TENM3: variants seen among roughly 807,000 people sequenced by gnomAD.
The protein encoded by TENM3 is teneurin-3.
In TENM3, 63 loss-of-function variants were observed where a neutral mutation model predicts 255.1. The observed-to-expected ratio is 0.25, with a 90% CI of 0.20 to 0.30. TENM3 has a LOEUF of 0.30. Ranked by LOEUF, TENM3 falls within the 10% of genes least tolerant of loss-of-function variation. The pLI is 1.00. For synonymous variants in TENM3, 1,306 were observed against 1,322.3 expected, an observed-to-expected ratio of 0.99 and a Z score of 0.27; for missense variants, 2,929 against 3,461.1, an observed-to-expected ratio of 0.85 and a Z score of 3.86.
At chr4:182,037,893 G>A in the TENM3 span, among the ~76,000 whole-genome samples, 1 of 152,056 alleles carries the variant, frequency 6.6e-6, no homozygotes, top group Non-Finnish European at 1.5e-5. Context: ...ATGCAGTGGT[G>A]CCATCATAGC....
At chr4:181,699,315 T>C in the TENM3 span, among the ~76,000 whole-genome samples, 2 of 151,630 alleles carry the variant, frequency 1.3e-5, no homozygotes, top group African/African-American at 4.8e-5. Flanking sequence ...TCTGTAGCCC[T>C]AGCTACTTGG....
the TENM3 span, among the ~76,000 whole-genome samples, chr4:181,595,011 C>T: frequency 1.3e-5 from 2 of 152,056 alleles, no homozygotes; most frequent in Non-Finnish European, 2.9e-5. Flanking sequence ...AGTGCATCTC[C>T]CATGGAAGCC....
the TENM3 span, among the ~76,000 whole-genome samples, chr4:181,738,136 C>G: frequency 6.6e-6 from 1 of 152,114 alleles, no homozygotes; most frequent in East Asian, 1.9e-4. Context: ...TCATCGTACA[C>G]TATCATTTAG....
chr4:182,577,733 A>G (rs534508486), intron 3 of TENM3, among the ~76,000 whole-genome samples: 181 of 152,272 alleles, frequency 1.2e-3, no homozygotes, highest in Non-Finnish European at 8.2e-4. Context: ...GTGAATATCT[A>G]TGGTTTTCAT....
chr4:182,026,871 G>A, the TENM3 span, among the ~76,000 whole-genome samples: 2 of 152,158 alleles, frequency 1.3e-5, no homozygotes, highest in Non-Finnish European at 2.9e-5. Flanking sequence ...TAACTCTGCA[G>A]TATAATTTGA....
chr4:182,193,001 C>T (rs1753615710), intron 1 of TENM3, among the ~76,000 whole-genome samples: 1 of 152,152 alleles, frequency 6.6e-6, no homozygotes, highest in East Asian at 1.9e-4. Flanking sequence ...ACCTAATCTT[C>T]CTATCATGAT....
the TENM3 span, among the ~76,000 whole-genome samples, chr4:182,013,279 C>T: frequency 1.5e-4 from 23 of 152,208 alleles, no homozygotes; most frequent in Non-Finnish European, 7.3e-5. Flanking sequence ...TTTATGACTA[C>T]ACTAACACTG....
the TENM3 span, among the ~76,000 whole-genome samples, chr4:181,765,601 G>A: frequency 6.6e-6 from 1 of 152,116 alleles, no homozygotes; most frequent in South Asian, 2.1e-4. Flanking sequence ...TGACTTTGGG[G>A]AAAAAACAGC....
chr4:181,552,399 T>A, the TENM3 span, among the ~76,000 whole-genome samples: 566 of 152,322 alleles, frequency 3.7e-3, 1 homozygote, highest in African/African-American at 0.013. Context: ...CTTTCCGATA[T>A]CCATTTCTTT....
the TENM3 span, among the ~76,000 whole-genome samples, chr4:181,720,719 T>C: frequency 5.3e-5 from 8 of 152,342 alleles, no homozygotes; most frequent in African/African-American, 1.9e-4. Flanking sequence ...GAAAGCATAT[T>C]TGAATTTTTT....
chr4:181,780,578 C>T, the TENM3 span, among the ~76,000 whole-genome samples: 2,411 of 152,220 alleles, frequency 0.016, 32 homozygotes, highest in Middle Eastern at 0.024. Flanking sequence ...TTCTCCCATT[C>T]TGTAGGTTGC....
intron 1 of TENM3, among the ~76,000 whole-genome samples, chr4:182,320,232 G>A (rs975672169): frequency 6.6e-5 from 10 of 152,214 alleles, no homozygotes; most frequent in Non-Finnish European, 1.0e-4. Flanking sequence ...TCAGGTCTCT[G>A]TGTTAGTTTC....
the TENM3 span, among the ~76,000 whole-genome samples, chr4:182,035,168 T>C: frequency 6.6e-6 from 1 of 152,252 alleles, no homozygotes; most frequent in Non-Finnish European, 1.5e-5. Flanking sequence ...AAGGTTTGTT[T>C]CTATCAGAAA....
At chr4:182,208,242 C>A (rs1230163788) in intron 1 of TENM3, among the ~76,000 whole-genome samples, 1 of 152,180 alleles carries the variant, frequency 6.6e-6, no homozygotes, top group East Asian at 1.9e-4. Flanking sequence ...GTAATCACCC[C>A]ATTAAGAAGT....
the TENM3 span, among the ~76,000 whole-genome samples, chr4:181,461,926 T>C: frequency 9.2e-4 from 110 of 119,036 alleles, 1 homozygote; most frequent in East Asian, 0.026. Flanking sequence ...TAATTTTGAA[T>C]TGAATGCCAG....
At chr4:182,607,739 A>G (rs940666846) in intron 4 of TENM3, among the ~76,000 whole-genome samples, 11 of 152,218 alleles carry the variant, frequency 7.2e-5, no homozygotes, top group Non-Finnish European at 1.2e-4. Context: ...ATCATTTGCT[A>G]TAGTCCTTAA....
the TENM3 span, among the ~76,000 whole-genome samples, chr4:181,955,513 G>C: frequency 2.0e-5 from 3 of 152,180 alleles, no homozygotes; most frequent in Non-Finnish European, 2.9e-5. Flanking sequence ...GCCAGAGAGA[G>C]CCCCTGCAAT....
At chr4:182,110,624 C>T in the TENM3 span, among the ~76,000 whole-genome samples, 2 of 152,138 alleles carry the variant, frequency 1.3e-5, no homozygotes, top group Non-Finnish European at 2.9e-5. Context: ...CTGCGCTGGA[C>T]CAGTAGCTCT....
the TENM3 span, among the ~76,000 whole-genome samples, chr4:181,646,988 G>T: frequency 3.5e-4 from 53 of 152,264 alleles, no homozygotes; most frequent in African/African-American, 1.3e-3. Context: ...TTAAAATGAC[G>T]CATTTTCGTC....
Sources: allele counts gnomAD v4.1 joint callset (sites outside exome capture counted in the v4.1 genomes callset), GRCh38; gene constraint gnomAD v4.1.1; transcripts MANE v1.5; gene names NCBI Gene and HGNC (gene_info 2026-07-23, HGNC 2026-07-21).